LGALS8: variants seen among roughly 807,000 people sequenced by gnomAD.
LGALS8 encodes galectin-8.
LGALS8 carries 30 observed loss-of-function variants against 35.9 expected under a neutral mutation model. The observed-to-expected ratio is 0.83, with a 90% CI of 0.62 to 1.13. The LOEUF (loss-of-function observed/expected upper bound fraction) is 1.13. Among genes scored for constraint, LGALS8 ranks in the 50% most tolerant of loss-of-function variants. The pLI is 0.00. For synonymous variants in LGALS8, 138 were observed against 136.1 expected, an observed-to-expected ratio of 1.01 and a Z score of -0.10; for missense variants, 366 against 388.7, an observed-to-expected ratio of 0.94 and a Z score of 0.49.
Position 236,549,150 on chromosome 1 carries a change from A to C in LGALS8, c.*989A>C, listed in dbSNP as rs1662594476. The C allele has an allele frequency of 5.0e-6, 2 of 396,276 alleles. No homozygotes were observed. Among genetic ancestry groups the C allele is most frequent in the Non-Finnish European group, 8.9e-6 (2 of 225,002 alleles). The allele number at this position is 396,276 out of a possible 1,614,324, so 24.5% of individuals were successfully genotyped here. A position where few individuals can be genotyped will look rare whatever the true frequency, so the allele number is the denominator to read the frequency against. On this transcript the variant is annotated 3_prime_UTR_variant, in exon 10 of 10. Coordinates refer to ENST00000366584, the MANE Select transcript of LGALS8 (RefSeq NM_201544.4). ...TAATGCAGAAATCTGTTTTGTTCCC[A>C]TGAAATCACCAATCAAGGCCTCCGT...
chr1:236,538,428 T>C (rs1661721732), intron 3 of LGALS8, among the ~76,000 whole-genome samples: 1 of 152,212 alleles, frequency 6.6e-6, no homozygotes, highest in African/African-American at 2.4e-5. Flanking sequence ...AAGGTCCCCT[T>C]TCCCGTTTTC....
At chr1:236,532,579 C>T (rs1661209129) in intron 2 of LGALS8, among the ~76,000 whole-genome samples, 1 of 152,160 alleles carries the variant, frequency 6.6e-6, no homozygotes, top group Admixed American at 6.5e-5. Flanking sequence ...CGGTGGCTCA[C>T]ACCTGTAATC....
intron 1 of LGALS8, 24 bp downstream of exon 1, chr1:236,524,085 C>T (rs1558152948): frequency 2.2e-6 from 1 of 455,760 alleles, no homozygotes; most frequent in African/African-American, 2.0e-5. Flanking sequence ...CCCCCGGCCT[C>T]GGGTGGCGGG....
intron 5 of LGALS8, among the ~76,000 whole-genome samples, chr1:236,540,903 AAC>A (rs1351901071): frequency 6.6e-6 from 1 of 152,182 alleles, no homozygotes; most frequent in Non-Finnish European, 1.5e-5. Flanking sequence ...GTTTTAATAA[AAC>A]ACACACAGTT....
chr1:236,538,327 A>C (rs1661714791), intron 3 of LGALS8, among the ~76,000 whole-genome samples: 1 of 152,170 alleles, frequency 6.6e-6, no homozygotes, highest in Non-Finnish European at 1.5e-5. Flanking sequence ...AGTCTCAAGG[A>C]GACAGCCCAG....
intron 2 of LGALS8, among the ~76,000 whole-genome samples, chr1:236,529,650 T>C (rs1253323280): frequency 2.0e-5 from 3 of 147,120 alleles, no homozygotes; most frequent in Admixed American, 6.7e-5. Flanking sequence ...TTCTTCTCTT[T>C]TTTTTTTTTT....
chr1:236,533,838 T>G (rs1434287465), intron 2 of LGALS8, among the ~76,000 whole-genome samples: 1 of 151,288 alleles, frequency 6.6e-6, no homozygotes, highest in Non-Finnish European at 1.5e-5. Flanking sequence ...TGAAGAGGCA[T>G]CTGTTGTCAC....
intron 4 of LGALS8, chr1:236,540,347 GTTCCT>G (rs1661897581): frequency 4.0e-6 from 2 of 506,098 alleles, no homozygotes; most frequent in Admixed American, 4.0e-5. Flanking sequence ...GGGAGAGACA[GTTCCT>G]GGTGCTTAAT....
At chr1:236,534,720 CA>C (rs1299070301) in intron 2 of LGALS8, among the ~76,000 whole-genome samples, 2 of 152,030 alleles carry the variant, frequency 1.3e-5, no homozygotes, top group Admixed American at 1.3e-4. Flanking sequence ...AGTTGTTTCT[CA>C]AACTGGAACA....
At chr1:236,537,016 A>G (rs2385256) in intron 2 of LGALS8, among the ~76,000 whole-genome samples, 87,365 of 142,056 alleles carry the variant, frequency 0.62, 27,506 homozygotes, top group Non-Finnish European at 0.69. Context: ...TGAGGTATGC[A>G]GTTCCTTTTT....
intron 4 of LGALS8, 199 bp downstream of exon 4, chr1:236,539,288 G>T: frequency 1.7e-6 from 1 of 577,566 alleles, no homozygotes; most frequent in Non-Finnish European, 3.1e-6. Flanking sequence ...GCCAGTTGTT[G>T]CCATGCAGAA....
chr1:236,524,427 G>T (rs1193068828), intron 1 of LGALS8: 2 of 455,724 alleles, frequency 4.4e-6, no homozygotes, highest in Non-Finnish European at 8.8e-6. Context: ...GAGGCCGAGC[G>T]CCACCTCCAA....
chr1:236,543,378 G>T, intron 7 of LGALS8, 182 bp from the exon 8 acceptor site: 1 of 702,566 alleles, frequency 1.4e-6, no homozygotes, highest in African/African-American at 1.7e-5. Flanking sequence ...ATGTGTGTTT[G>T]CTTCGAGCCA....
At chr1:236,518,594 G>C (rs1294321019), upstream of LGALS8, 2 of 152,172 alleles carry the variant, frequency 1.3e-5, no homozygotes, top group African/African-American at 2.4e-5. Flanking sequence ...GAGAATAGCA[G>C]GGTATGTGTT....
intron 2 of LGALS8, among the ~76,000 whole-genome samples, chr1:236,535,465 C>G (rs1572001899): frequency 6.6e-6 from 1 of 151,582 alleles, no homozygotes; most frequent in African/African-American, 2.4e-5. Context: ...AGATTACTTT[C>G]TCACTTATAT....
Position 236,526,318 on chromosome 1 carries a change from C to T in LGALS8, c.45+203C>T, listed in dbSNP as rs560598686. 1.2e-5 allele frequency: 5 copies of T among 431,658 alleles called. No homozygotes were observed. The highest frequency in any genetic ancestry group is 5.5e-5 in the South Asian group (1 of 18,092). The allele number at this position is 431,658 out of a possible 1,614,324, so 26.7% of individuals were successfully genotyped here. On this transcript the variant is annotated intron_variant, in intron 2 of 9. Coordinates refer to ENST00000366584, the MANE Select transcript of LGALS8 (RefSeq NM_201544.4). The surrounding 1 kb of genome is among the most constrained non-coding windows in gnomAD (Gnocchi z 4.6). Reference sequence around the variant, plus strand: ...GGAAGAAGTCACAATGATAATATGACGTGATGAAACAGTGTTATGAACAGG... The same window carrying T: ...GGAAGAAGTCACAATGATAATATGATGTGATGAAACAGTGTTATGAACAGG...
Position 236,551,237 on chromosome 1 carries a change from T to C in LGALS8, c.*3076T>C. 2 of 474,254 alleles carry C rather than the reference T, an allele frequency of 4.2e-6. No individual in the cohort carries two copies. The highest frequency in any genetic ancestry group is 3.7e-6 in the Non-Finnish European group (1 of 269,060). 29.4% of individuals were successfully genotyped at this position (474,254 alleles called of 1,614,324 possible). A position where few individuals can be genotyped will look rare whatever the true frequency, so the allele number is the denominator to read the frequency against. On this transcript the variant is annotated 3_prime_UTR_variant, in exon 10 of 10. Transcript: ENST00000366584. ...AAGAATCCCCAAAACTCAAACTTCC[T>C]AGGGATGCCACCCCTTTAGTAGCTC...
rs1034895060 is a variant in LGALS8 at position 236,552,938 on chromosome 1, A to T, written c.*4777A>T. 1 of 152,248 alleles carries T rather than the reference A, an allele frequency of 6.6e-6. No homozygotes were observed. The highest frequency in any genetic ancestry group is 1.5e-5 in the Non-Finnish European group (1 of 68,038). The allele number at this position is 152,248 out of a possible 1,614,324, so 9.4% of individuals were successfully genotyped here. On this transcript the variant is annotated 3_prime_UTR_variant, in exon 10 of 10. Transcript: ENST00000366584. ...TCATCATAATAGTCTCATTGTTAGC[A>T]TATCCTAATAAAGAATTTGAACTAA...
At chr1:236,518,610 C>A (rs145640577), upstream of LGALS8, 1 of 152,094 alleles carries the variant, frequency 6.6e-6, no homozygotes, top group Non-Finnish European at 1.5e-5. Context: ...GTGTTCTCGG[C>A]GCTCACAAAT....
Sources: allele counts gnomAD v4.1 joint callset (sites outside exome capture counted in the v4.1 genomes callset), GRCh38; gene constraint gnomAD v4.1.1; non-coding constraint Gnocchi (gnomAD v3.1); transcripts MANE v1.5; gene names NCBI Gene and HGNC (gene_info 2026-07-23, HGNC 2026-07-21).